Variants in ASXL3 observed in about 807,000 individuals in gnomAD.
ASXL3 encodes putative Polycomb group protein ASXL3.
A neutral mutation model predicts 170.6 loss-of-function variants in ASXL3; 34 were observed. The observed-to-expected ratio is 0.20, with a 90% CI of 0.15 to 0.27. The LOEUF is 0.27. ASXL3 is among the 10% of genes least tolerant of loss of function. The pLI, the probability that ASXL3 is intolerant of heterozygous loss-of-function variation, is 1.00. For missense variants in ASXL3, 2,592 were observed against 2,695.3 expected, an observed-to-expected ratio of 0.96 and a Z score of 0.85; for synonymous variants, 1,002 against 989.1, an observed-to-expected ratio of 1.01 and a Z score of -0.24.
chr18:33,593,037 A>G (rs2065091584), intron 1 of ASXL3, among the ~76,000 whole-genome samples: 1 of 152,120 alleles, frequency 6.6e-6, no homozygotes, highest in Non-Finnish European at 1.5e-5. Context: ...AGAGTAGAAC[A>G]ATCGTTGTAA....
At chr18:33,587,366 T>C (rs1398498039) in intron 1 of ASXL3, among the ~76,000 whole-genome samples, 2 of 152,208 alleles carry the variant, frequency 1.3e-5, no homozygotes, top group African/African-American at 4.8e-5. Context: ...GTTAATTGAT[T>C]ACATTTATCA....
intron 2 of ASXL3, among the ~76,000 whole-genome samples, chr18:33,634,325 GCTT>G (rs1308392549): frequency 1.3e-5 from 2 of 150,398 alleles, no homozygotes; most frequent in Admixed American, 6.6e-5. Flanking sequence ...TGGCATAGTT[GCTT>G]CTTTTTTTTT....
chr18:33,744,493 A>G lies in ASXL3; in HGVS notation c.4645A>G (p.Ser1549Gly), dbSNP rs907447419. The G allele has an allele frequency of 9.3e-6, 15 of 1,612,882 alleles. No individual in the cohort carries two copies. The highest frequency in any genetic ancestry group is 1.0e-5 in the Non-Finnish European group (12 of 1,179,762). Reference sequence around the variant, plus strand: ...TGCTGCTTCGGCAGCAAAACAAGACAGTAAAACATTGCCGGCCACCTGCAC... The same window carrying G: ...TGCTGCTTCGGCAGCAAAACAAGACGGTAAAACATTGCCGGCCACCTGCAC... The part of the protein sequence containing the change: ...FIAASAAKQD[S>G]KTLPATCTSL... Residue 1549 changes from serine (S) to glycine (G), a missense_variant, in exon 12 of 12, where the codon AGT (serine) becomes GGT (glycine). Physicochemically the swap from Ser to Gly is moderately conservative, Grantham distance 56 (BLOSUM62 0). Transcript: ENST00000269197.
intron 1 of ASXL3, among the ~76,000 whole-genome samples, chr18:33,599,517 AT>A (rs748519127): frequency 3.3e-5 from 5 of 152,192 alleles, no homozygotes; most frequent in African/African-American, 4.8e-5. Flanking sequence ...AGTCAAAATC[AT>A]GCTTGTCAAA....
intron 11 of ASXL3, 91 bp from the exon 12 acceptor site, chr18:33,742,797 T>C: frequency 6.9e-7 from 1 of 1,451,046 alleles, no homozygotes; most frequent in Non-Finnish European, 9.1e-7. Context: ...AGAATGCAGC[T>C]AGTCTTTTCC....
intron 2 of ASXL3, among the ~76,000 whole-genome samples, chr18:33,638,754 A>G (rs917817911): frequency 2.0e-5 from 3 of 152,192 alleles, no homozygotes; most frequent in Non-Finnish European, 4.4e-5. Flanking sequence ...AAAACTGGGA[A>G]TCATGCCTAC....
intron 8 of ASXL3, among the ~76,000 whole-genome samples, chr18:33,715,441 T>G (rs1263695677): frequency 6.6e-6 from 1 of 152,192 alleles, no homozygotes; most frequent in Non-Finnish European, 1.5e-5. Flanking sequence ...GCTTTTCACA[T>G]TAGACTTTTA....
At chr18:33,684,203 A>C (rs2084809052) in intron 8 of ASXL3, among the ~76,000 whole-genome samples, 1 of 152,188 alleles carries the variant, frequency 6.6e-6, no homozygotes, top group African/African-American at 2.4e-5. Context: ...AAATTTTATC[A>C]CATAAACTTT....
intron 4 of ASXL3, among the ~76,000 whole-genome samples, chr18:33,658,286 T>A (rs773663867): frequency 6.6e-6 from 1 of 152,162 alleles, no homozygotes; most frequent in Non-Finnish European, 1.5e-5. Context: ...ATTATTTATT[T>A]ATCACATCTA....
chr18:33,738,756 A>C lies in ASXL3; in HGVS notation c.1352A>C (p.Gln451Pro). ...DILIPEESVI[Q>P]EEIAEEVETS... The stretch of plus-strand genomic sequence containing the variant: ...TTGATCCCTGAAGAATCTGTAATTC[A>C]GGAGGAAATTGCAGAAGAGGTAGAG... The change falls in exon 11 of 12, where the codon CAG becomes CCG. Residue 451 changes from glutamine (Q) to proline (P), a missense_variant. Transcript: ENST00000269197. The C allele has an allele frequency of 6.2e-7, 1 of 1,613,980 alleles. No individual in the cohort carries two copies. The highest frequency in any genetic ancestry group is 8.5e-7 in the Non-Finnish European group (1 of 1,179,856).
intron 8 of ASXL3, among the ~76,000 whole-genome samples, chr18:33,706,447 C>T (rs950903522): frequency 4.0e-5 from 6 of 151,724 alleles, no homozygotes; most frequent in Non-Finnish European, 8.9e-5. Context: ...AATACTTTCT[C>T]AAAATAATTA....
intron 8 of ASXL3, among the ~76,000 whole-genome samples, chr18:33,709,312 A>C (rs1040809540): frequency 3.9e-5 from 6 of 151,918 alleles, no homozygotes; most frequent in Middle Eastern, 3.2e-3. Flanking sequence ...AAAAAAAAAA[A>C]AACAACAAAA....
chr18:33,666,338 A>G (rs1043319402), intron 5 of ASXL3, among the ~76,000 whole-genome samples: 1 of 152,198 alleles, frequency 6.6e-6, no homozygotes, highest in African/African-American at 2.4e-5. Flanking sequence ...TATCTGTCAA[A>G]ATAAATCACA....
In ASXL3 at chr18:33,750,615, T is replaced by C. The variant is rs1244673402; in HGVS notation, c.*4020T>C. 1 of 151,948 alleles carries C rather than the reference T, an allele frequency of 6.6e-6. No individual in the cohort carries two copies. Among genetic ancestry groups the C allele is most frequent in the Admixed American group, 6.6e-5 (1 of 15,258 alleles). 9.4% of individuals were successfully genotyped at this position (151,948 alleles called of 1,614,324 possible). A position where few individuals can be genotyped will look rare whatever the true frequency, so the allele number is the denominator to read the frequency against. On this transcript the variant is annotated 3_prime_UTR_variant, in exon 12 of 12. Coordinates refer to ENST00000269197, the MANE Select transcript of ASXL3 (RefSeq NM_030632.3). ...TCTGAATGTTTACATCTGTTTGACA[T>C]TAGCCATTTAATGCCTTTTTTAAAG... is the stretch of plus-strand genomic sequence containing the variant.
chr18:33,727,057 A>G (rs1423864797), intron 8 of ASXL3, among the ~76,000 whole-genome samples: 2 of 152,050 alleles, frequency 1.3e-5, no homozygotes, highest in African/African-American at 2.4e-5. Flanking sequence ...CTGATACCCT[A>G]TTTAGAGCCG....
At chr18:33,630,024 C>T (rs1174259011) in intron 2 of ASXL3, among the ~76,000 whole-genome samples, 2 of 151,870 alleles carry the variant, frequency 1.3e-5, no homozygotes, top group Non-Finnish European at 2.9e-5. Context: ...TTTCTGCGAC[C>T]CCCTGCTCTG....
intron 10 of ASXL3, among the ~76,000 whole-genome samples, chr18:33,738,177 ATATTT>A (rs2067580331): frequency 6.6e-6 from 1 of 152,034 alleles, no homozygotes; most frequent in Non-Finnish European, 1.5e-5. Context: ...GTGATTATAA[ATATTT>A]TCTAATACTT....
At chr18:33,588,359 G>GTTTT (rs375681396) in intron 1 of ASXL3, among the ~76,000 whole-genome samples, 2 of 142,442 alleles carry the variant, frequency 1.4e-5, no homozygotes, top group African/African-American at 2.5e-5. Context: ...AAAGGAGCAG[G>GTTTT]TTTTTTTTTT....
intron 8 of ASXL3, among the ~76,000 whole-genome samples, chr18:33,691,260 G>A (rs917116457): frequency 1.3e-5 from 2 of 152,102 alleles, no homozygotes; most frequent in Non-Finnish European, 2.9e-5. Context: ...TCTGCCCGTG[G>A]TCTGATAAGC....
Sources: allele counts gnomAD v4.1 joint callset (sites outside exome capture counted in the v4.1 genomes callset), GRCh38; gene constraint gnomAD v4.1.1; transcripts MANE v1.5; gene names NCBI Gene and HGNC (gene_info 2026-07-23, HGNC 2026-07-21).